Variants in PLXNA2 observed in about 807,000 individuals in gnomAD.
The protein encoded by PLXNA2 is plexin-A2.
PLXNA2 carries 91 observed loss-of-function variants against 193.5 expected under a neutral mutation model. That is an observed-to-expected ratio of 0.47 (90% confidence interval 0.40 to 0.56). The LOEUF is 0.56. Among genes scored for constraint, PLXNA2 ranks in the 20% least tolerant of loss-of-function variants. The pLI, the probability that PLXNA2 is intolerant of heterozygous loss-of-function variation, is 0.00. For missense variants in PLXNA2, 1,995 were observed against 2,503.2 expected (o/e 0.80, Z 4.33); for synonymous variants, 997 against 1,027.3 (o/e 0.97, Z 0.56).
chr1:208,211,981 G>A (rs1490072060), intron 2 of PLXNA2, among the ~76,000 whole-genome samples: 7 of 152,208 alleles, frequency 4.6e-5, no homozygotes, highest in Non-Finnish European at 1.0e-4. Flanking sequence ...TGAGTGCTCT[G>A]ACATGGCCCA....
In PLXNA2 at chr1:208,082,328, G is replaced by T. The variant is rs1038609554; in HGVS notation, c.2395+84C>A. On this transcript the variant is annotated intron_variant, in intron 11 of 31. Transcript: ENST00000367033. The surrounding 1 kb of genome is among the most constrained non-coding windows in gnomAD (Gnocchi z 4.2). ...GGGAGTGTATTATTCATGGCACAGC[G>T]GCTGGCTGGCTCTGATCCCTCTAGC... is the stretch of plus-strand genomic sequence containing the variant. 1 of 1,014,818 alleles carries T rather than the reference G, an allele frequency of 9.9e-7. No homozygotes were observed. The highest frequency in any genetic ancestry group is 1.5e-6 in the Non-Finnish European group (1 of 654,490). 62.9% of individuals were successfully genotyped at this position (1,014,818 alleles called of 1,614,324 possible). A position where few individuals can be genotyped will look rare whatever the true frequency, so the allele number is the denominator to read the frequency against.
intron 9 of PLXNA2, among the ~76,000 whole-genome samples, chr1:208,092,052 C>T (rs774106843): frequency 4.6e-5 from 7 of 152,050 alleles, no homozygotes; most frequent in South Asian, 2.1e-4. Context: ...GAAAAGCTTT[C>T]GACACAAGAA....
At chr1:208,127,158 A>G (rs1411825369) in intron 4 of PLXNA2, among the ~76,000 whole-genome samples, 5 of 152,186 alleles carry the variant, frequency 3.3e-5, no homozygotes, top group Admixed American at 6.5e-5. Flanking sequence ...GGCAATGAAA[A>G]CTTTGGGAAG....
intron 12 of PLXNA2, among the ~76,000 whole-genome samples, chr1:208,079,002 C>A (rs976519793): frequency 6.6e-6 from 1 of 152,236 alleles, no homozygotes; most frequent in Non-Finnish European, 1.5e-5. Context: ...TTGGCTCTGC[C>A]TCCCTTGTCG....
At chr1:208,209,983 A>AATTTTTTTTTTTT (rs34413554) in intron 3 of PLXNA2, 7,322 of 86,520 alleles carry the variant, frequency 0.085, 1,619 homozygotes, top group Non-Finnish European at 0.12. Context: ...ATGAAGAGCA[A>AATTTTTTTTTTTT]TTTTTTTTTT....
At chr1:208,105,585 C>T (rs1489045985) in intron 4 of PLXNA2, among the ~76,000 whole-genome samples, 1 of 152,206 alleles carries the variant, frequency 6.6e-6, no homozygotes, top group Non-Finnish European at 1.5e-5. Context: ...TTCACACCGC[C>T]TTAAAGAATA....
chr1:208,033,832 G>A (rs370032066), intron 27 of PLXNA2, among the ~76,000 whole-genome samples: 18 of 152,318 alleles, frequency 1.2e-4, no homozygotes, highest in East Asian at 3.9e-4. Flanking sequence ...GGATATTTTC[G>A]TCGGTGTTTT....
intron 26 of PLXNA2, among the ~76,000 whole-genome samples, chr1:208,035,273 G>T (rs954477648): frequency 3.3e-5 from 5 of 152,148 alleles, no homozygotes; most frequent in Admixed American, 2.6e-4. Context: ...GGTATGTCAG[G>T]CTCCAGAGCA....
chr1:208,038,538 C>T lies in PLXNA2; in HGVS notation c.4661-64G>A. ...GATGAGGGCTGTGAGCCAGTGTCTCCCGATTGCACCTTCTCTAGGGACCTG... is the reference window on the plus strand; with the variant it reads ...GATGAGGGCTGTGAGCCAGTGTCTCTCGATTGCACCTTCTCTAGGGACCTG... On this transcript the variant is annotated intron_variant, in intron 25 of 31. Transcript: ENST00000367033. This position sits in a 1 kb window ranked among gnomAD's most constrained non-coding sequence, Gnocchi z 4.1. 1 of 1,312,058 alleles carries T rather than the reference C, an allele frequency of 7.6e-7. No homozygotes were observed. 81.3% of individuals were successfully genotyped at this position (1,312,058 alleles called of 1,614,324 possible).
At chr1:208,201,212 T>C (rs1374319929) in intron 3 of PLXNA2, among the ~76,000 whole-genome samples, 1 of 152,194 alleles carries the variant, frequency 6.6e-6, no homozygotes, top group African/African-American at 2.4e-5. Flanking sequence ...GATCACATAA[T>C]TCATCGAAGG....
chr1:208,197,353 C>T (rs1670392726), intron 3 of PLXNA2, among the ~76,000 whole-genome samples: 1 of 152,222 alleles, frequency 6.6e-6, no homozygotes, highest in Admixed American at 6.5e-5. Flanking sequence ...CACGTGATTA[C>T]TCAGGCTGAG....
chr1:208,131,251 T>C (rs913423344), intron 4 of PLXNA2, among the ~76,000 whole-genome samples: 2 of 152,146 alleles, frequency 1.3e-5, no homozygotes, highest in African/African-American at 4.8e-5. Context: ...ATGGTGCCGC[T>C]CTCGACACCT....
intron 3 of PLXNA2, among the ~76,000 whole-genome samples, chr1:208,144,434 A>G (rs1338480086): frequency 6.6e-6 from 1 of 151,910 alleles, no homozygotes; most frequent in Non-Finnish European, 1.5e-5. Flanking sequence ...GTTGGGATGG[A>G]CTCGATGTAC....
intron 3 of PLXNA2, among the ~76,000 whole-genome samples, chr1:208,189,898 GAGAGA>G (rs551413525): frequency 1.4e-3 from 206 of 152,306 alleles, no homozygotes; most frequent in African/African-American, 4.8e-3. Flanking sequence ...GAGGTTGGCA[GAGAGA>G]AGATCTTTAT....
At chr1:208,067,218 C>T (rs1665827955) in intron 12 of PLXNA2, among the ~76,000 whole-genome samples, 1 of 151,994 alleles carries the variant, frequency 6.6e-6, no homozygotes, top group African/African-American at 2.4e-5. Flanking sequence ...GTGTTGCATG[C>T]CTGTAATCCC....
intron 3 of PLXNA2, among the ~76,000 whole-genome samples, chr1:208,190,961 T>C (rs1319843301): frequency 6.6e-6 from 1 of 152,214 alleles, no homozygotes; most frequent in Non-Finnish European, 1.5e-5. Flanking sequence ...TGTAGTTGTC[T>C]TTCAGTGCAG....
intron 12 of PLXNA2, among the ~76,000 whole-genome samples, chr1:208,072,169 G>A (rs191154111): frequency 4.2e-4 from 64 of 152,324 alleles, no homozygotes; most frequent in African/African-American, 1.5e-3. Flanking sequence ...CCTAAGATGC[G>A]TAAGATAATG....
At chr1:208,108,529 A>G (rs1395413086) in intron 4 of PLXNA2, among the ~76,000 whole-genome samples, 1 of 152,166 alleles carries the variant, frequency 6.6e-6, no homozygotes, top group Non-Finnish European at 1.5e-5. Flanking sequence ...CTGCCACCCT[A>G]TATGGACACC....
intron 3 of PLXNA2, among the ~76,000 whole-genome samples, chr1:208,205,188 C>G (rs1670676831): frequency 6.6e-6 from 1 of 152,244 alleles, no homozygotes; most frequent in African/African-American, 2.4e-5. Flanking sequence ...GATTTGCCTC[C>G]TGTCTCCGCC....
Sources: gnomAD v4.1 joint callset for allele counts (sites outside exome capture counted in the v4.1 genomes callset) on GRCh38, gnomAD v4.1.1 for gene constraint, Gnocchi (gnomAD v3.1) non-coding constraint, MANE v1.5 for transcripts, NCBI Gene and HGNC (gene_info 2026-07-23, HGNC 2026-07-21) for gene names.